The following NXPH1 variants were observed in gnomAD, a reference collection of about 807,000 sequenced individuals.
The protein encoded by NXPH1 is neurexophilin-1.
A neutral mutation model predicts 23.7 loss-of-function variants in NXPH1; 5 were observed. The ratio of observed to expected loss-of-function variants is 0.21; its 90% CI spans 0.11 to 0.44. The LOEUF (loss-of-function observed/expected upper bound fraction) is 0.44, where lower values mean the gene tolerates loss of function less well. Among genes scored for constraint, NXPH1 ranks in the 20% least tolerant of loss-of-function variants. NXPH1 has a pLI of 0.99. For missense variants in NXPH1, 324 were observed against 321.6 expected, an observed-to-expected ratio of 1.01 and a Z score of -0.06; for synonymous variants, 144 against 122.2, an observed-to-expected ratio of 1.18 and a Z score of -1.18.
rs1479580703 is a variant in NXPH1 at position 8,511,347 on chromosome 7, A to G, written c.54+75580A>G. 2.0e-5 allele frequency among the ~76,000 whole-genome samples: 3 copies of G among 152,038 alleles called. No homozygotes were observed. In the South Asian group the frequency reaches 6.2e-4, roughly 31 times the overall value. On this transcript the variant is annotated intron_variant, in intron 2 of 2. Transcript: ENST00000405863. ...CTTGGGACAGAGGCTGCCAGCCACA[A>G]TTTTGCATTTCCTTTCTGCATGTGG...
chr7:8,525,903 A>G (rs1223520634), intron 2 of NXPH1, among the ~76,000 whole-genome samples: 1 of 152,196 alleles, frequency 6.6e-6, no homozygotes, highest in African/African-American at 2.4e-5. Flanking sequence ...TGCATAAGAG[A>G]AATGTGGGGT....
rs188758247 is a variant in NXPH1 at position 8,452,373 on chromosome 7, C to T, written c.54+16606C>T. 6.4e-4 allele frequency among the ~76,000 whole-genome samples: 97 copies of T among 152,254 alleles called. 1 individual carries two copies. Among genetic ancestry groups the T allele is most frequent in the African/African-American group, 2.0e-3 (85 of 41,546 alleles). On this transcript the variant is annotated intron_variant, in intron 2 of 2. Transcript: ENST00000405863. ...TTCAGTTAAATAGCTGTACCATGGA[C>T]CTGTTGAATATTCCTCCTGTTCCCA... is the stretch of plus-strand genomic sequence containing the variant.
intron 2 of NXPH1, among the ~76,000 whole-genome samples, chr7:8,507,134 G>T (rs1817540279): frequency 6.6e-6 from 1 of 151,738 alleles, no homozygotes; most frequent in South Asian, 2.1e-4. Context: ...GGGTGCAGAA[G>T]AAGCAGATTT....
intron 2 of NXPH1, among the ~76,000 whole-genome samples, chr7:8,669,910 T>G (rs2115168895): frequency 6.6e-6 from 1 of 152,318 alleles, no homozygotes; most frequent in East Asian, 1.9e-4. Context: ...CATGCAGGGA[T>G]AGTTGTTCAA....
intron 2 of NXPH1, among the ~76,000 whole-genome samples, chr7:8,450,949 A>G (rs1320022244): frequency 6.6e-6 from 1 of 152,176 alleles, no homozygotes; most frequent in Non-Finnish European, 1.5e-5. Flanking sequence ...TAAACCTTTT[A>G]GCACTTCATT....
chr7:8,497,748 A>G (rs1817362441), intron 2 of NXPH1, among the ~76,000 whole-genome samples: 1 of 152,090 alleles, frequency 6.6e-6, no homozygotes. Flanking sequence ...AGTTCTTTGT[A>G]GATTCTGGAT....
At chr7:8,641,276 T>A (rs1820305131) in intron 2 of NXPH1, among the ~76,000 whole-genome samples, 1 of 152,184 alleles carries the variant, frequency 6.6e-6, no homozygotes, top group Non-Finnish European at 1.5e-5. Context: ...GTGCACAGTT[T>A]AATATTAAAT....
At chr7:8,601,631 AG>A (rs1372776328) in intron 2 of NXPH1, among the ~76,000 whole-genome samples, 13 of 152,214 alleles carry the variant, frequency 8.5e-5, no homozygotes, top group Non-Finnish European at 1.8e-4. Context: ...AATAGGGACA[AG>A]TCCCATAAGA....
chr7:8,624,868 T>C (rs1168445042), intron 2 of NXPH1, among the ~76,000 whole-genome samples: 1 of 152,040 alleles, frequency 6.6e-6, no homozygotes, highest in Non-Finnish European at 1.5e-5. Context: ...TCAGTGCAGT[T>C]TGGGGATAGG....
At chr7:8,619,512 CT>C (rs1418297883) in intron 2 of NXPH1, among the ~76,000 whole-genome samples, 1 of 152,056 alleles carries the variant, frequency 6.6e-6, no homozygotes, top group Non-Finnish European at 1.5e-5. Flanking sequence ...TAATTTAAGC[CT>C]TTATAAGTAT....
At chr7:8,601,692 A>T (rs1383481386) in intron 2 of NXPH1, among the ~76,000 whole-genome samples, 5 of 152,158 alleles carry the variant, frequency 3.3e-5, no homozygotes, top group African/African-American at 1.2e-4. Context: ...CAATTCCCTA[A>T]AATACAGGAA....
rs1377396504 is a variant in NXPH1, at chr7:8,435,367, G to A, written c.-110-237G>A. 2.6e-6 allele frequency: 1 copy of A among 378,044 alleles called. No individual in the cohort carries two copies. Among genetic ancestry groups the A allele is most frequent in the East Asian group, 6.0e-5 (1 of 16,656 alleles). The allele number at this position is 378,044 out of a possible 1,614,324, so 23.4% of individuals were successfully genotyped here. On this transcript the variant is annotated intron_variant, in intron 1 of 2. Coordinates refer to ENST00000405863, the MANE Select transcript of NXPH1 (RefSeq NM_152745.3). This position sits in a 1 kb window ranked among gnomAD's most constrained non-coding sequence, Gnocchi z 5.9. ...CCGCCTGGGAACTCGCACCCGAGGA[G>A]CGCAGGGGGCAAGGAGCCCCTCACC...
chr7:8,746,031 C>T (rs753032464), intron 2 of NXPH1, among the ~76,000 whole-genome samples: 1 of 152,174 alleles, frequency 6.6e-6, no homozygotes, highest in Non-Finnish European at 1.5e-5. Context: ...CTGGTTGCAT[C>T]ACACTGTGAT....
In NXPH1 at chr7:8,586,865, C is replaced by T. The variant is rs1012396626; in HGVS notation, c.54+151098C>T. Among the ~76,000 whole-genome samples, 5 of 151,848 alleles carry T rather than the reference C, an allele frequency of 3.3e-5. No homozygotes were observed. In the East Asian group the frequency reaches 9.7e-4, roughly 29 times the overall value. ...GAGTTGGGAATTTTAATGCATCAGA[C>T]TATGAAGGAGAAAGTAAAACACCAT... On this transcript the variant is annotated intron_variant, in intron 2 of 2. Coordinates refer to ENST00000405863, the MANE Select transcript of NXPH1 (RefSeq NM_152745.3).
rs190988371 is a variant in NXPH1, at chr7:8,653,961, A to T, written c.55-97047A>T. Reference sequence around the variant, plus strand: ...AAGTGGCACTATTAATGTAAGAGTTAACTTTGCTTGGATTTCATGTGTGGA... The same window carrying T: ...AAGTGGCACTATTAATGTAAGAGTTTACTTTGCTTGGATTTCATGTGTGGA... On this transcript the variant is annotated intron_variant, in intron 2 of 2. Transcript: ENST00000405863. Among the ~76,000 whole-genome samples, 18 of 152,310 alleles carry T rather than the reference A, an allele frequency of 1.2e-4. No individual in the cohort carries two copies. In the East Asian group the frequency reaches 3.5e-3, roughly 29 times the overall value.
At chr7:8,744,579 C>A (rs1486376737) in intron 2 of NXPH1, among the ~76,000 whole-genome samples, 2 of 152,178 alleles carry the variant, frequency 1.3e-5, no homozygotes, top group Non-Finnish European at 2.9e-5. Context: ...ACTCATACTA[C>A]AAAATCAACA....
intron 2 of NXPH1, among the ~76,000 whole-genome samples, chr7:8,534,992 A>G (rs1312831009): frequency 2.0e-5 from 3 of 152,112 alleles, no homozygotes; most frequent in Non-Finnish European, 2.9e-5. Context: ...CCCAGTACCT[A>G]ATTTGCTTTG....
intron 2 of NXPH1, among the ~76,000 whole-genome samples, chr7:8,620,710 C>G (rs148693385): frequency 1.3e-5 from 2 of 152,304 alleles, no homozygotes; most frequent in African/African-American, 2.4e-5. Flanking sequence ...TAGAATTATA[C>G]GAACCAATAC....
chr7:8,439,986 C>A (rs2128603980), intron 2 of NXPH1, among the ~76,000 whole-genome samples: 1 of 152,318 alleles, frequency 6.6e-6, no homozygotes, highest in East Asian at 1.9e-4. Flanking sequence ...AATTTCCTGA[C>A]AGTGGCTATT....
Sources: allele counts gnomAD v4.1 joint callset (sites outside exome capture counted in the v4.1 genomes callset), GRCh38; gene constraint gnomAD v4.1.1; non-coding constraint Gnocchi (gnomAD v3.1); transcripts MANE v1.5; gene names NCBI Gene and HGNC (gene_info 2026-07-23, HGNC 2026-07-21).